Variants in PLEKHS1 observed in about 807,000 individuals in gnomAD.
The protein encoded by PLEKHS1 is pleckstrin homology domain containing S1.
In PLEKHS1, 55 loss-of-function variants were observed where a neutral mutation model predicts 51.0. The observed-to-expected ratio is 1.08, with a 90% CI of 0.87 to 1.35. PLEKHS1 has a LOEUF of 1.35. Among genes scored for constraint, PLEKHS1 ranks in the 40% most tolerant of loss-of-function variants. The pLI is 0.00. For missense variants in PLEKHS1, 398 were observed against 423.0 expected (o/e 0.94, Z 0.52); for synonymous variants, 153 against 144.8 (o/e 1.06, Z -0.41).
At chr10:113,777,050 G>A (rs1274010209) in intron 11 of PLEKHS1, 74 bp from the exon 12 acceptor site, 1 of 1,563,076 alleles carries the variant, frequency 6.4e-7, no homozygotes, top group Non-Finnish European at 8.7e-7. Context: ...CCTAGAATCA[G>A]GAGACCCTGC....
chr10:113,757,000 T>C (rs1461217077), intron 2 of PLEKHS1, among the ~76,000 whole-genome samples: 4 of 136,522 alleles, frequency 2.9e-5, no homozygotes, highest in Non-Finnish European at 6.1e-5. Flanking sequence ...CACTGCAACC[T>C]CTGCCTCCCG....
At chr10:113,778,327 G>A (rs1844761248) in intron 11 of PLEKHS1, among the ~76,000 whole-genome samples, 1 of 152,178 alleles carries the variant, frequency 6.6e-6, no homozygotes, top group Non-Finnish European at 1.5e-5. Flanking sequence ...ATGAAAAAAA[G>A]ATTAGTCCAA....
At chr10:113,773,588 A>G (rs1176181133) in intron 8 of PLEKHS1, among the ~76,000 whole-genome samples, 2 of 152,216 alleles carry the variant, frequency 1.3e-5, no homozygotes, top group African/African-American at 2.4e-5. Flanking sequence ...GAGGTGAAGA[A>G]GAGAGCACGA....
chr10:113,780,866 C>T (rs1844845298), exon 12 of PLEKHS1: 1 of 1,238,124 alleles, frequency 8.1e-7, no homozygotes, highest in Admixed American at 2.7e-5. Flanking sequence ...TGATAGGAGA[C>T]AGTCGGCACC....
chr10:113,762,956 CTTA>C (rs1400961419), intron 2 of PLEKHS1, among the ~76,000 whole-genome samples: 1 of 151,972 alleles, frequency 6.6e-6, no homozygotes, highest in Non-Finnish European at 1.5e-5. Context: ...TCTTAGCAAA[CTTA>C]TTATTTAAAA....
chr10:113,757,864 T>C (rs1843739594), intron 2 of PLEKHS1, among the ~76,000 whole-genome samples: 2 of 152,264 alleles, frequency 1.3e-5, no homozygotes, highest in Non-Finnish European at 1.5e-5. Context: ...ATAAACAGCA[T>C]GTTCACCAGC....
At chr10:113,767,965 T>C (rs1844237407) in intron 5 of PLEKHS1, among the ~76,000 whole-genome samples, 1 of 152,154 alleles carries the variant, frequency 6.6e-6, no homozygotes, top group Non-Finnish European at 1.5e-5. Context: ...CAGTATGACC[T>C]CATCTTGACC....
In PLEKHS1 at chr10:113,775,807, CCT is replaced by C; in HGVS notation, c.1033_1034del (p.Leu345PhefsTer4). 1 of 1,613,004 alleles carries C rather than the reference CCT, an allele frequency of 6.2e-7. No homozygotes were observed. Among genetic ancestry groups the C allele is most frequent in the East Asian group, 2.2e-5 (1 of 44,830 alleles). ...GCCAAGTGGAGAAACTGAACGTTTT[CCT>C]TTCTCCTCCTGATGTCATCAACTAT... On this transcript the variant is annotated frameshift_variant, in exon 11 of 12. Coordinates refer to ENST00000361048, the Ensembl canonical transcript of PLEKHS1. LOFTEE classifies it high-confidence loss of function.
intron 8 of PLEKHS1, among the ~76,000 whole-genome samples, chr10:113,773,644 C>G (rs750764951): frequency 6.6e-6 from 1 of 152,126 alleles, no homozygotes; most frequent in African/African-American, 2.4e-5. Flanking sequence ...AATGGGAAGA[C>G]TGGCTTGACT....
rs183203115 is a variant in PLEKHS1 at position 113,775,977 on chromosome 10, G to A, written c.1091+111G>A. 25 of 750,976 alleles carry A rather than the reference G, an allele frequency of 3.3e-5. No individual in the cohort carries two copies. In the African/African-American group the frequency reaches 4.3e-4, roughly 13 times the overall value. 46.5% of individuals were successfully genotyped at this position (750,976 alleles called of 1,614,324 possible). On this transcript the variant is annotated intron_variant, in intron 11 of 11. Coordinates refer to ENST00000361048, the Ensembl canonical transcript of PLEKHS1. ...GCAACACTGACTAGGTTTGGGGCGG[G>A]GGAGCTTGGACTGTTGACTGGCTGT...
intron 11 of PLEKHS1, among the ~76,000 whole-genome samples, chr10:113,779,486 C>T (rs1019938412): frequency 2.0e-5 from 3 of 151,548 alleles, no homozygotes; most frequent in African/African-American, 7.3e-5. Context: ...AGGAGAATAG[C>T]TTGAACCCAG....
At chr10:113,762,475 A>G (rs1275734491) in intron 2 of PLEKHS1, among the ~76,000 whole-genome samples, 1 of 148,972 alleles carries the variant, frequency 6.7e-6, no homozygotes, top group African/African-American at 2.5e-5. Flanking sequence ...TTTCTAACAT[A>G]GCCATTAAAA....
At chr10:113,765,367 T>A in intron 2 of PLEKHS1, 1 of 779,516 alleles carries the variant, frequency 1.3e-6, no homozygotes, top group Admixed American at 1.7e-5. Flanking sequence ...CTGTAAATTA[T>A]AAGTTTTTCC....
At chr10:113,769,823 T>C in exon 7 of PLEKHS1, 1 of 1,614,048 alleles carries the variant, frequency 6.2e-7, no homozygotes, top group Non-Finnish European at 8.5e-7. Flanking sequence ...CCTCTTCTAC[T>C]CCAGCCCTCT....
intron 2 of PLEKHS1, among the ~76,000 whole-genome samples, chr10:113,756,624 C>T (rs1361195616): frequency 6.6e-6 from 1 of 152,052 alleles, no homozygotes; most frequent in Non-Finnish European, 1.5e-5. Flanking sequence ...AGAGGTTTTA[C>T]AGGAAAGGCA....
chr10:113,775,660 G>T (rs946457609), intron 10 of PLEKHS1, 105 bp from the exon 11 acceptor site: 3 of 679,012 alleles, frequency 4.4e-6, no homozygotes, highest in Non-Finnish European at 7.5e-6. Context: ...ACCTTTACCT[G>T]GACAATGTCA....
exon 4 of PLEKHS1, chr10:113,766,701 T>G: frequency 1.2e-6 from 2 of 1,610,552 alleles, no homozygotes; most frequent in South Asian, 1.1e-5. Context: ...ATCACCGAGG[T>G]TCCATTGAAA....
intron 8 of PLEKHS1, 89 bp from the exon 9 acceptor site, chr10:113,774,138 C>T: frequency 1.3e-6 from 1 of 751,446 alleles, no homozygotes; most frequent in Non-Finnish European, 2.2e-6. Context: ...ACCTCTATGT[C>T]AGAGCCCAGA....
chr10:113,765,600 G>A (rs1369899968), intron 2 of PLEKHS1, among the ~76,000 whole-genome samples: 1 of 152,174 alleles, frequency 6.6e-6, no homozygotes, highest in Non-Finnish European at 1.5e-5. Flanking sequence ...TTTCTAAAAT[G>A]TTAACTGCTT....
Sources: allele counts gnomAD v4.1 joint callset (sites outside exome capture counted in the v4.1 genomes callset), GRCh38; gene constraint gnomAD v4.1.1; transcripts MANE v1.5; gene names NCBI Gene and HGNC (gene_info 2026-07-23, HGNC 2026-07-21).